The following WWOX variants were observed in gnomAD, a reference collection of about 807,000 sequenced individuals.
WWOX encodes the protein WW domain-containing oxidoreductase.
WWOX carries 69 observed loss-of-function variants against 46.2 expected under a neutral mutation model. The ratio of observed to expected loss-of-function variants is 1.49; its 90% CI spans 1.23 to 1.82. WWOX has a LOEUF of 1.82. WWOX is among the 40% of genes most tolerant of loss of function. The pLI, the probability that WWOX is intolerant of heterozygous loss-of-function variation, is 0.00. For synonymous variants in WWOX, 359 were observed against 202.6 expected, an observed-to-expected ratio of 1.77 and a Z score of -6.56; for missense variants, 919 against 542.6, an observed-to-expected ratio of 1.69 and a Z score of -6.89.
At chr16:79,096,924 G>T (rs2049086589) in intron 8 of WWOX, among the ~76,000 whole-genome samples, 2 of 152,152 alleles carry the variant, frequency 1.3e-5, no homozygotes, top group Admixed American at 1.3e-4. Flanking sequence ...ATCAGGGTCG[G>T]GTGGGGACAT....
At chr16:78,926,954 A>G (rs111522216) in intron 8 of WWOX, among the ~76,000 whole-genome samples, 1,546 of 152,064 alleles carry the variant, frequency 0.01, 26 homozygotes, top group African/African-American at 0.035. Context: ...CAGCAATGAC[A>G]CCTGCCTAAT....
rs550295151 is a variant in WWOX, at chr16:78,112,602, C to T, written c.231-2374C>T. 8.0e-4 allele frequency among the ~76,000 whole-genome samples: 121 copies of T among 150,572 alleles called. 1 individual carries two copies. The highest frequency in any genetic ancestry group is 7.0e-3 in the Middle Eastern group (2 of 286). On this transcript the variant is annotated intron_variant, in intron 3 of 8. Transcript: ENST00000566780. ...ATTTGTTAAAAGGCTTTTTGCCTAA[C>T]TTGTGAAAGTTTTTTTTCCTCAACT...
chr16:78,915,695 A>T (rs977096144), intron 8 of WWOX, among the ~76,000 whole-genome samples: 33 of 113,952 alleles, frequency 2.9e-4, no homozygotes, highest in African/African-American at 1.0e-3. Context: ...CTCCAAAGCC[A>T]TTTAAAAAAA....
intron 8 of WWOX, among the ~76,000 whole-genome samples, chr16:79,181,093 C>G (rs993761393): frequency 3.9e-5 from 6 of 152,180 alleles, no homozygotes; most frequent in African/African-American, 1.2e-4. Flanking sequence ...AATTTATGCT[C>G]TACCTCTTCC....
intron 8 of WWOX, among the ~76,000 whole-genome samples, chr16:78,702,873 T>A (rs890431955): frequency 1.3e-5 from 2 of 152,098 alleles, no homozygotes; most frequent in Non-Finnish European, 2.9e-5. Flanking sequence ...AAATCCTGCT[T>A]TGCTCACTGC....
At chr16:78,969,165 G>C (rs2046420780) in intron 8 of WWOX, among the ~76,000 whole-genome samples, 1 of 151,908 alleles carries the variant, frequency 6.6e-6, no homozygotes, top group African/African-American at 2.4e-5. Flanking sequence ...TATGGGTCTG[G>C]GCACTGAATT....
intron 8 of WWOX, among the ~76,000 whole-genome samples, chr16:79,009,687 G>A (rs2047264508): frequency 6.6e-6 from 1 of 152,260 alleles, no homozygotes; most frequent in Admixed American, 6.5e-5. Flanking sequence ...CTGACCTCAG[G>A]TGATCCACCC....
intron 4 of WWOX, among the ~76,000 whole-genome samples, chr16:78,162,604 A>G (rs2034832616): frequency 6.6e-6 from 1 of 152,084 alleles, no homozygotes; most frequent in Admixed American, 6.5e-5. Context: ...ATTTCTGCTT[A>G]TGGCTCAGGA....
chr16:78,135,193 A>G (rs1362490425), intron 4 of WWOX, among the ~76,000 whole-genome samples: 5 of 152,230 alleles, frequency 3.3e-5, no homozygotes, highest in Non-Finnish European at 7.3e-5. Context: ...CACGTGCAAC[A>G]ACTCAAGAGT....
intron 8 of WWOX, among the ~76,000 whole-genome samples, chr16:78,658,181 C>T (rs1273080308): frequency 4.6e-5 from 7 of 152,106 alleles, no homozygotes; most frequent in Non-Finnish European, 1.5e-5. Context: ...GCCAGATACC[C>T]CTGGGGAACA....
rs144933957 is a variant in WWOX at position 78,238,694 on chromosome 16, G to A, written c.516+74405G>A. Among the ~76,000 whole-genome samples, 591 of 151,602 alleles carry A rather than the reference G, an allele frequency of 3.9e-3. 1 individual carries two copies. The highest frequency in any genetic ancestry group is 6.4e-3 in the Non-Finnish European group (434 of 67,834). ...GAGTGCAGTGGTGTGATCTTGGCTCGCCATGATCTCTACCTCCCAGGTTCA... is the reference window on the plus strand; with the variant it reads ...GAGTGCAGTGGTGTGATCTTGGCTCACCATGATCTCTACCTCCCAGGTTCA... On this transcript the variant is annotated intron_variant, in intron 5 of 8. Transcript: ENST00000566780.
intron 5 of WWOX, among the ~76,000 whole-genome samples, chr16:78,262,459 C>T (rs2079266078): frequency 6.6e-6 from 1 of 152,136 alleles, no homozygotes; most frequent in African/African-American, 2.4e-5. Flanking sequence ...TTATTCAGAA[C>T]CAGCTATATG....
intron 5 of WWOX, among the ~76,000 whole-genome samples, chr16:78,215,174 C>G (rs2151791984): frequency 6.6e-6 from 1 of 152,268 alleles, no homozygotes. Context: ...TCCCATGGGT[C>G]ATTTTCTTCC....
At chr16:79,133,762 C>T (rs1012327541) in intron 8 of WWOX, among the ~76,000 whole-genome samples, 1 of 152,100 alleles carries the variant, frequency 6.6e-6, no homozygotes, top group Non-Finnish European at 1.5e-5. Flanking sequence ...GCTGGTCAAA[C>T]GTATTACTTA....
intron 8 of WWOX, among the ~76,000 whole-genome samples, chr16:78,474,017 T>G (rs2084297362): frequency 6.6e-6 from 1 of 152,228 alleles, no homozygotes; most frequent in Non-Finnish European, 1.5e-5. Flanking sequence ...AGGACCACTT[T>G]TACAGAGATT....
chr16:78,620,687 A>G (rs991518213), intron 8 of WWOX, among the ~76,000 whole-genome samples: 3 of 126,514 alleles, frequency 2.4e-5, no homozygotes, highest in African/African-American at 7.6e-5. Flanking sequence ...TTTTCAGGAA[A>G]TATGGTTTTT....
intron 5 of WWOX, among the ~76,000 whole-genome samples, chr16:78,304,739 C>T (rs982707449): frequency 1.3e-5 from 2 of 152,172 alleles, no homozygotes; most frequent in East Asian, 1.9e-4. Context: ...CAACCTTGTA[C>T]ACATTTCCTG....
At chr16:78,361,651 G>T (rs558424355) in intron 5 of WWOX, among the ~76,000 whole-genome samples, 1 of 151,776 alleles carries the variant, frequency 6.6e-6, no homozygotes. Context: ...CACTCCTGTC[G>T]CCCAGGCTGG....
At chr16:79,017,567 C>G (rs1028912522) in intron 8 of WWOX, 2 of 150,976 alleles carry the variant, frequency 1.3e-5, no homozygotes, top group African/African-American at 4.9e-5. Context: ...TGACGTCTGT[C>G]ACAATTCACT....
Sources: allele counts gnomAD v4.1 joint callset (sites outside exome capture counted in the v4.1 genomes callset), GRCh38; gene constraint gnomAD v4.1.1; transcripts MANE v1.5; gene names NCBI Gene and HGNC (gene_info 2026-07-23, HGNC 2026-07-21).